Variants in DYNC1H1 observed in about 807,000 individuals in gnomAD.
DYNC1H1 encodes dynein cytoplasmic 1 heavy chain 1.
DYNC1H1 carries 51 observed loss-of-function variants against 527.1 expected under a neutral mutation model. The ratio of observed to expected loss-of-function variants is 0.10; its 90% CI spans 0.08 to 0.12. The LOEUF (loss-of-function observed/expected upper bound fraction) is 0.12, where lower values mean the gene tolerates loss of function less well. Ranked by LOEUF, DYNC1H1 falls within the 10% of genes least tolerant of loss-of-function variation. DYNC1H1 has a pLI of 1.00. For synonymous variants in DYNC1H1, 2,189 were observed against 2,278.8 expected (o/e 0.96, Z 1.12); for missense variants, 2,771 against 5,971.8 (o/e 0.46, Z 17.66).
chr14:102,047,619 A>G (rs547387768), intron 72 of DYNC1H1, 198 bp from the exon 73 acceptor site: 7 of 391,650 alleles, frequency 1.8e-5, no homozygotes. Context: ...GTATATATAC[A>G]CGTGTGTGTG....
chr14:102,009,088 C>G (rs1009085740), intron 29 of DYNC1H1, among the ~76,000 whole-genome samples: 1 of 152,158 alleles, frequency 6.6e-6, no homozygotes, highest in Non-Finnish European at 1.5e-5. Flanking sequence ...GAAACAAGCC[C>G]TTTATCACGA....
chr14:101,987,132 G>A (rs889298988), intron 8 of DYNC1H1, among the ~76,000 whole-genome samples: 6 of 152,360 alleles, frequency 3.9e-5, no homozygotes, highest in Admixed American at 6.5e-5. Flanking sequence ...ATACGACAGC[G>A]AGGCTGGCTC....
intron 28 of DYNC1H1, 67 bp downstream of exon 28, chr14:102,007,175 C>T: frequency 2.0e-6 from 3 of 1,516,080 alleles, no homozygotes; most frequent in Non-Finnish European, 2.7e-6. Context: ...GAATATCAAG[C>T]TCCGTACCTC....
chr14:101,973,406 C>T (rs1248895697), intron 1 of DYNC1H1, among the ~76,000 whole-genome samples: 3 of 151,980 alleles, frequency 2.0e-5, no homozygotes, highest in Non-Finnish European at 1.5e-5. Flanking sequence ...GTGATCTGCC[C>T]GCCTCGGCCT....
chr14:102,016,508 C>G lies in DYNC1H1; in HGVS notation c.7614+19C>G. The G allele has an allele frequency of 6.2e-7, 1 of 1,614,164 alleles. No homozygotes were observed. Among genetic ancestry groups the G allele is most frequent in the Non-Finnish European group, 8.5e-7 (1 of 1,180,036 alleles). On this transcript the variant is annotated intron_variant, in intron 37 of 77. Coordinates refer to ENST00000360184, the MANE Select transcript of DYNC1H1 (RefSeq NM_001376.5). The surrounding 1 kb of genome is among the most constrained non-coding windows in gnomAD (Gnocchi z 7.3). Reference sequence around the variant, plus strand: ...TTATGAGGTGAGCATGCAGCTACCACCCGTGTTTCTGATTCTCGCCTTGTT... The same window carrying G: ...TTATGAGGTGAGCATGCAGCTACCAGCCGTGTTTCTGATTCTCGCCTTGTT...
At position 102,055,614 on chromosome 14, in the gene DYNC1H1, C is replaced by T. The variant is rs1241905629; in HGVS notation, c.*5051C>T. ...CCTGGTTTCCCGCTCTGCCCAGCCC[C>T]CCGCTGAAGTCTCTAATGGGTTCTT... On this transcript the variant is annotated 3_prime_UTR_variant, in exon 78 of 78. Transcript: ENST00000360184. The T allele has an allele frequency of 1.3e-5, 2 of 153,120 alleles. No homozygotes were observed. The highest frequency in any genetic ancestry group is 2.4e-5 in the African/African-American group (1 of 41,446). 9.5% of individuals were successfully genotyped at this position (153,120 alleles called of 1,614,324 possible). A position where few individuals can be genotyped will look rare whatever the true frequency, so the allele number is the denominator to read the frequency against.
chr14:101,972,215 T>TAA (rs1267604604), intron 1 of DYNC1H1, among the ~76,000 whole-genome samples: 24 of 140,832 alleles, frequency 1.7e-4, no homozygotes, highest in African/African-American at 6.2e-4. Flanking sequence ...GACAACTATT[T>TAA]AAAAAAAAAA....
At position 102,004,610 on chromosome 14, in the gene DYNC1H1, C is replaced by T. The variant is rs1452214964; in HGVS notation, c.4976C>T (p.Ala1659Val). 4.3e-6 allele frequency: 7 copies of T among 1,614,094 alleles called. No individual in the cohort carries two copies. Among genetic ancestry groups the T allele is most frequent in the Non-Finnish European group, 5.9e-6 (7 of 1,180,050 alleles). ...CAGAAACACTTCAAGAAGATGTTTGCTGGAGTTTCGAGCATCATCCTGAAC... is the reference window on the plus strand; with the variant it reads ...CAGAAACACTTCAAGAAGATGTTTGTTGGAGTTTCGAGCATCATCCTGAAC... ...KLQKHFKKMF[A>V]GVSSIILNED... Residue 1659 changes from alanine to valine, a missense_variant, in exon 24 of 78, where the codon GCT becomes GTT. Physicochemically the swap from Ala to Val is moderately conservative, Grantham distance 64. This residue lies in a region of DYNC1H1 where 51 missense variants were observed against 189.2 expected (regional missense o/e 0.27). Transcript: ENST00000360184.
rs776130043 is a variant in DYNC1H1 at position 102,033,309 on chromosome 14, G to A, written c.10238G>A (p.Arg3413His). The part of the protein sequence containing the change: ...ADMLKRVEPL[R>H]NELQKLEDDA... ...ATGTTAAAGAGAGTGGAGCCCCTAC[G>A]CAATGAGCTGCAGAAGCTGGAAGAT... is the stretch of plus-strand genomic sequence containing the variant. Residue 3413 changes from arginine to histidine, a missense_variant, in exon 54 of 78, where the codon CGC (arginine) becomes CAC (histidine). Arg to His is a conservative substitution (Grantham distance 29). Transcript: ENST00000360184. This position sits in a 1 kb window ranked among gnomAD's most constrained non-coding sequence, Gnocchi z 5.6. The A allele has an allele frequency of 6.2e-7, 1 of 1,614,144 alleles. No individual in the cohort carries two copies.
chr14:101,980,845 C>T lies in DYNC1H1; in HGVS notation c.961+295C>T, dbSNP rs17511984. ...TGCTGGGCTCCATGAGTCATCTCCA[C>T]GAGTCGGCTGTACAATTGGCACAAA... On this transcript the variant is annotated intron_variant, in intron 5 of 77. Transcript: ENST00000360184. 5.6e-3 allele frequency among the ~76,000 whole-genome samples: 853 copies of T among 152,324 alleles called. 17 individuals are homozygous for T. The highest frequency in any genetic ancestry group is 0.037 in the East Asian group (190 of 5,190).
At chr14:101,984,197 C>T (rs1259886274) in intron 7 of DYNC1H1, among the ~76,000 whole-genome samples, 1 of 150,080 alleles carries the variant, frequency 6.7e-6, no homozygotes, top group Non-Finnish European at 1.5e-5. Context: ...ACCATGTTGC[C>T]CAGGCTATTC....
chr14:102,008,060 C>G (rs944931606), intron 28 of DYNC1H1, 118 bp from the exon 29 acceptor site: 1 of 1,442,654 alleles, frequency 6.9e-7, no homozygotes, highest in East Asian at 2.3e-5. Context: ...CACGCTCTTT[C>G]GCTAAAGACA....
intron 42 of DYNC1H1, among the ~76,000 whole-genome samples, chr14:102,021,568 G>A (rs10083461): frequency 0.12 from 18,628 of 151,614 alleles, 1,878 homozygotes; most frequent in African/African-American, 0.28. Context: ...ACACAGCAGC[G>A]CAGTCACAGT....
In DYNC1H1 at chr14:102,004,651, G is replaced by T; in HGVS notation, c.5017G>T (p.Val1673Phe). 6.2e-7 allele frequency: 1 copy of T among 1,614,172 alleles called. No homozygotes were observed. Among genetic ancestry groups the T allele is most frequent in the Non-Finnish European group, 8.5e-7 (1 of 1,180,038 alleles). The change falls in exon 24 of 78, where the codon GTT (valine) becomes TTT (phenylalanine). Residue 1673 changes from valine (V) to phenylalanine (F), a missense_variant. Coordinates refer to ENST00000360184, the MANE Select transcript of DYNC1H1 (RefSeq NM_001376.5). ...SIILNEDNSVVLGISSREGEE... is the reference protein window; with the variant it reads ...SIILNEDNSVFLGISSREGEE... ...CATCCTGAACGAGGATAACTCTGTT[G>T]TTTTGGGTATTTCATCTCGGGAAGG... is the stretch of plus-strand genomic sequence containing the variant.
chr14:101,975,758 T>C lies in DYNC1H1; in HGVS notation c.303T>C (p.Tyr101=). The change falls in exon 2 of 78, where the codon TAT becomes TAC. Residue 101 remains tyrosine, a synonymous_variant. Coordinates refer to ENST00000360184, the MANE Select transcript of DYNC1H1 (RefSeq NM_001376.5). ...EGEEEKEFIS[Y]NINIDIHYGV... ...AAGAAGAAAAAGAATTCATTTCCTA[T>C]AACATCAACATAGACATTCATTATG... 1 of 1,613,768 alleles carries C rather than the reference T, an allele frequency of 6.2e-7. No homozygotes were observed. The highest frequency in any genetic ancestry group is 8.5e-7 in the Non-Finnish European group (1 of 1,179,746).
At chr14:101,994,111 T>G in intron 11 of DYNC1H1, 73 bp from the exon 12 acceptor site, 1 of 1,609,042 alleles carries the variant, frequency 6.2e-7, no homozygotes, top group Non-Finnish European at 8.5e-7. Context: ...TCATTTTAAT[T>G]AAGTAAAAGG....
intron 69 of DYNC1H1, chr14:102,043,155 C>T (rs954374299): frequency 1.9e-5 from 6 of 322,550 alleles, no homozygotes; most frequent in South Asian, 1.3e-4. Context: ...TGGTGGCGTG[C>T]GCCTATAATC....
Position 102,016,020 on chromosome 14 carries a change from G to C in DYNC1H1, c.7407G>C (p.Val2469=). 1.2e-6 allele frequency: 2 copies of C among 1,613,708 alleles called. No homozygotes were observed. Among genetic ancestry groups the C allele is most frequent in the Non-Finnish European group, 1.7e-6 (2 of 1,179,978 alleles). ...FSMLHQACRN[V]AQYNANHPDF... Reference sequence around the variant, plus strand: ...TGCTGCACCAGGCCTGCCGCAACGTGGCGCAGTATAACGCCAACCATCCCG... The same window carrying C: ...TGCTGCACCAGGCCTGCCGCAACGTCGCGCAGTATAACGCCAACCATCCCG... The change falls in exon 36 of 78, where the codon GTG becomes GTC. Residue 2469 remains valine (V), a synonymous_variant. Coordinates refer to ENST00000360184, the MANE Select transcript of DYNC1H1 (RefSeq NM_001376.5). The surrounding 1 kb of genome is among the most constrained non-coding windows in gnomAD (Gnocchi z 7.3).
intron 43 of DYNC1H1, among the ~76,000 whole-genome samples, chr14:102,026,130 G>A (rs957912740): frequency 6.6e-6 from 1 of 151,818 alleles, no homozygotes; most frequent in African/African-American, 2.4e-5. Context: ...AAAAAATAGG[G>A]CAGGCCCTCA....
Sources: allele counts gnomAD v4.1 joint callset (sites outside exome capture counted in the v4.1 genomes callset), GRCh38; gene constraint gnomAD v4.1.1; regional missense constraint gnomAD v4.1.1; non-coding constraint Gnocchi (gnomAD v3.1); transcripts MANE v1.5; gene names NCBI Gene and HGNC (gene_info 2026-07-23, HGNC 2026-07-21).